The following ARHGEF12 variants were observed in gnomAD, a reference collection of about 807,000 sequenced individuals.
The protein encoded by ARHGEF12 is Rho guanine nucleotide exchange factor 12.
In ARHGEF12, 66 loss-of-function variants were observed where a neutral mutation model predicts 211.2. The observed-to-expected ratio is 0.31, with a 90% CI of 0.26 to 0.38. The LOEUF is 0.38. ARHGEF12 is among the 10% of genes least tolerant of loss of function. The pLI, the probability that ARHGEF12 is intolerant of heterozygous loss-of-function variation, is 1.00. For synonymous variants in ARHGEF12, 592 were observed against 638.4 expected (o/e 0.93, Z 1.09); for missense variants, 1,429 against 1,869.5 (o/e 0.76, Z 4.34).
intron 1 of ARHGEF12, among the ~76,000 whole-genome samples, chr11:120,398,792 T>C (rs927221161): frequency 2.0e-5 from 3 of 152,202 alleles, no homozygotes; most frequent in Non-Finnish European, 4.4e-5. Flanking sequence ...CAGAAGGTGT[T>C]ATATAGAAGA....
intron 27 of ARHGEF12, among the ~76,000 whole-genome samples, chr11:120,461,124 C>T (rs1026056353): frequency 6.6e-6 from 1 of 152,174 alleles, no homozygotes; most frequent in East Asian, 1.9e-4. Context: ...TTTTGACCTC[C>T]TCCTGTGAAT....
At chr11:120,361,344 T>C (rs572488865) in intron 1 of ARHGEF12, among the ~76,000 whole-genome samples, 2 of 152,292 alleles carry the variant, frequency 1.3e-5, no homozygotes, top group South Asian at 4.1e-4. Context: ...TGCACACTCC[T>C]TAAGAGAATC....
chr11:120,338,233 G>T (rs1449454398), intron 1 of ARHGEF12, among the ~76,000 whole-genome samples: 1 of 152,256 alleles, frequency 6.6e-6, no homozygotes, highest in South Asian at 2.1e-4. Flanking sequence ...TTATTACACC[G>T]TGAAAAAATA....
chr11:120,366,459 T>G (rs987902997), intron 1 of ARHGEF12, among the ~76,000 whole-genome samples: 4 of 152,156 alleles, frequency 2.6e-5, no homozygotes, highest in African/African-American at 7.2e-5. Context: ...ACCCTGCCCT[T>G]AAGTTATTTT....
chr11:120,392,841 G>A (rs1944261125), intron 1 of ARHGEF12, among the ~76,000 whole-genome samples: 1 of 152,158 alleles, frequency 6.6e-6, no homozygotes, highest in Admixed American at 6.5e-5. Context: ...TGCCACCAGT[G>A]AACTTTGTTT....
At chr11:120,430,187 A>G (rs1945483565) in intron 10 of ARHGEF12, among the ~76,000 whole-genome samples, 1 of 151,998 alleles carries the variant, frequency 6.6e-6, no homozygotes, top group African/African-American at 2.4e-5. Flanking sequence ...ATGTTTTTAA[A>G]TAGGAATTTA....
In ARHGEF12 at chr11:120,487,126, AT is replaced by A. The variant is rs763471182; in HGVS notation, c.*2050del. On this transcript the variant is annotated 3_prime_UTR_variant, in exon 41 of 41. Transcript: ENST00000397843. ...GCAATTAATCAGGAGAAAAGTAAAT[AT>A]AAAAACTTTGCTCTTAACGTCACAC... The A allele has an allele frequency of 3.7e-4, 77 of 207,178 alleles. No individual in the cohort carries two copies. Among genetic ancestry groups the A allele is most frequent in the Middle Eastern group, 1.5e-3 (1 of 668 alleles). 12.8% of individuals were successfully genotyped at this position (207,178 alleles called of 1,614,324 possible).
chr11:120,345,453 C>T (rs1433365656), intron 1 of ARHGEF12, among the ~76,000 whole-genome samples: 2 of 152,286 alleles, frequency 1.3e-5, no homozygotes, highest in Admixed American at 1.3e-4. Flanking sequence ...CCTGTAATCC[C>T]AGCACTTTGG....
rs1947403129 is a variant in ARHGEF12 at position 120,486,536 on chromosome 11, T to G, written c.*1459T>G. 4.4e-6 allele frequency: 1 copy of G among 228,054 alleles called. No individual in the cohort carries two copies. The highest frequency in any genetic ancestry group is 5.7e-5 in the Admixed American group (1 of 17,608). The allele number at this position is 228,054 out of a possible 1,614,324, so 14.1% of individuals were successfully genotyped here. Reference sequence around the variant, plus strand: ...ACTCCTTCAATTATATTGACTTTCTTTGGTTTTCCTTGTGCATTAGGTATA... The same window carrying G: ...ACTCCTTCAATTATATTGACTTTCTGTGGTTTTCCTTGTGCATTAGGTATA... On this transcript the variant is annotated 3_prime_UTR_variant, in exon 41 of 41. Coordinates refer to ENST00000397843, the MANE Select transcript of ARHGEF12 (RefSeq NM_015313.3).
intron 38 of ARHGEF12, 143 bp downstream of exon 38, chr11:120,480,573 A>G: frequency 1.2e-6 from 1 of 844,968 alleles, no homozygotes; most frequent in Admixed American, 2.9e-5. Flanking sequence ...CCTTCATTTG[A>G]TAAATACTGA....
At chr11:120,354,240 T>G (rs1943071541) in intron 1 of ARHGEF12, among the ~76,000 whole-genome samples, 1 of 152,118 alleles carries the variant, frequency 6.6e-6, no homozygotes, top group Middle Eastern at 3.2e-3. Flanking sequence ...ATAGGAAAGA[T>G]AAGGCTCAAA....
intron 1 of ARHGEF12, among the ~76,000 whole-genome samples, chr11:120,391,822 T>C (rs1944227937): frequency 6.6e-6 from 1 of 152,218 alleles, no homozygotes; most frequent in African/African-American, 2.4e-5. Flanking sequence ...ACCTTCAAGA[T>C]AATGTGAAAT....
At chr11:120,377,013 G>A (rs1943746334) in intron 1 of ARHGEF12, among the ~76,000 whole-genome samples, 1 of 152,102 alleles carries the variant, frequency 6.6e-6, no homozygotes, top group Non-Finnish European at 1.5e-5. Context: ...TTGTGTATAT[G>A]TACCGCATTT....
At chr11:120,476,848 C>A in intron 34 of ARHGEF12, 100 bp downstream of exon 34, 2 of 877,164 alleles carry the variant, frequency 2.3e-6, no homozygotes, top group Non-Finnish European at 3.5e-6. Context: ...GTATGGAAAC[C>A]AAGCACTTCC....
intron 1 of ARHGEF12, among the ~76,000 whole-genome samples, chr11:120,347,180 C>CT (rs751284718): frequency 0.11 from 11,971 of 108,916 alleles, 869 homozygotes; most frequent in East Asian, 0.33. Flanking sequence ...TCCTTCCTTC[C>CT]TTCCTTTCTT....
chr11:120,347,183 C>CCTTCCTTCCTTCCTTCCTTTCTTT (rs1555090041), intron 1 of ARHGEF12, among the ~76,000 whole-genome samples: 2 of 100,312 alleles, frequency 2.0e-5, no homozygotes, highest in Non-Finnish European at 2.2e-5. Flanking sequence ...TTCCTTCCTT[C>CCTTCCTTCCTTCCTTCCTTTCTTT]CTTTCTTTCT....
intron 14 of ARHGEF12, 31 bp downstream of exon 14, chr11:120,441,848 A>T: frequency 6.3e-7 from 1 of 1,587,790 alleles, no homozygotes. Flanking sequence ...GCAGATTCAG[A>T]GTTCTTCTGT....
intron 4 of ARHGEF12, chr11:120,410,769 A>T (rs1256824120): frequency 1.3e-5 from 2 of 152,202 alleles, no homozygotes; most frequent in Non-Finnish European, 2.9e-5. Context: ...GCCTTGTGAC[A>T]CATCAAGTTT....
At position 120,477,468 on chromosome 11, in the gene ARHGEF12, T is replaced by C. The variant is rs372943848; in HGVS notation, c.3474T>C (p.Asp1158=). Residue 1158 remains aspartate (D), a synonymous_variant, in exon 36 of 41, where the codon GAT becomes GAC. Coordinates refer to ENST00000397843, the MANE Select transcript of ARHGEF12 (RefSeq NM_015313.3). ...ACAGAGGAGATAATGATGAAGAAGA[T>C]CCTTCAAAATTAAAAGAGGAGCAGC... The part of the protein sequence containing the change: ...TPGEGDNDEE[D]PSKLKEEQHG... The C allele has an allele frequency of 1.6e-5, 25 of 1,598,006 alleles. No homozygotes were observed. In the African/African-American group the frequency reaches 2.6e-4, roughly 16 times the overall value.
Sources: gnomAD v4.1 joint callset for allele counts (sites outside exome capture counted in the v4.1 genomes callset) on GRCh38, gnomAD v4.1.1 for gene constraint, MANE v1.5 for transcripts, NCBI Gene and HGNC (gene_info 2026-07-23, HGNC 2026-07-21) for gene names.